Variants in IL1RAPL1 observed in about 807,000 individuals in gnomAD.
IL1RAPL1 encodes interleukin 1 receptor accessory protein like 1, also known as interleukin-1 receptor accessory protein-like 1.
In IL1RAPL1, 3 loss-of-function variants were observed where a neutral mutation model predicts 48.4. The ratio of observed to expected loss-of-function variants is 0.06; its 90% CI spans 0.03 to 0.16. IL1RAPL1 has a LOEUF of 0.16. Ranked by LOEUF, IL1RAPL1 falls within the 10% of genes least tolerant of loss-of-function variation. The pLI is 1.00. For synonymous variants in IL1RAPL1, 185 were observed against 187.7 expected (o/e 0.99, Z 0.12); for missense variants, 349 against 530.6 (o/e 0.66, Z 3.36).
chrX:29,592,162 GA>G (rs1923397567), intron 5 of IL1RAPL1, among the ~76,000 whole-genome samples: 4 of 111,638 alleles, frequency 3.6e-5, no homozygotes, highest in Non-Finnish European at 7.5e-5. Flanking sequence ...CATCACGTGG[GA>G]CAGAATTTAC....
At position 29,157,484 on chromosome X, in the gene IL1RAPL1, C is replaced by A. The variant is rs541096039; in HGVS notation, c.83-125454C>A. On this transcript the variant is annotated intron_variant, in intron 2 of 10. Coordinates refer to ENST00000378993, the MANE Select transcript of IL1RAPL1 (RefSeq NM_014271.4). ...TGTCCTCAATACAATTTCTCCTGAT[C>A]AGTTGTGTGTAACTAGGATGTGTAA... Among the ~76,000 whole-genome samples, 74 of 111,854 alleles carry A rather than the reference C, an allele frequency of 6.6e-4. No homozygotes were observed. The Middle Eastern group carries it at 0.014, about 21-fold the overall frequency.
chrX:29,945,862 C>T (rs1203920542), intron 9 of IL1RAPL1, among the ~76,000 whole-genome samples: 2 of 111,530 alleles, frequency 1.8e-5, no homozygotes, highest in African/African-American at 6.5e-5. Flanking sequence ...GCTTTTCTCT[C>T]TCAGTTCGTT....
At chrX:29,529,444 A>AT (rs1322470326) in intron 5 of IL1RAPL1, among the ~76,000 whole-genome samples, 21 of 108,870 alleles carry the variant, frequency 1.9e-4, no homozygotes, top group African/African-American at 6.4e-4. Flanking sequence ...AAATACAAAA[A>AT]TTAGCCGGGT....
intron 9 of IL1RAPL1, among the ~76,000 whole-genome samples, chrX:29,945,540 G>A (rs1406314479): frequency 8.9e-6 from 1 of 112,353 alleles, no homozygotes; most frequent in Non-Finnish European, 1.9e-5. Flanking sequence ...TCCTACTATA[G>A]CAATATGATA....
At chrX:29,812,601 A>C (rs192469936) in intron 6 of IL1RAPL1, among the ~76,000 whole-genome samples, 11 of 111,620 alleles carry the variant, frequency 9.9e-5, no homozygotes, top group African/African-American at 3.6e-4. Flanking sequence ...AGATGAATTC[A>C]TTAGAGATGA....
chrX:29,777,654 C>T (rs1470767231), intron 6 of IL1RAPL1, among the ~76,000 whole-genome samples: 1 of 110,857 alleles, frequency 9.0e-6, no homozygotes, highest in Non-Finnish European at 1.9e-5. Context: ...CCTCTTTCCC[C>T]CCACTCAAAG....
At chrX:28,689,666 A>G (rs979456016) in intron 1 of IL1RAPL1, among the ~76,000 whole-genome samples, 1 of 112,339 alleles carries the variant, frequency 8.9e-6, no homozygotes, top group African/African-American at 3.2e-5. Context: ...CAAAAATAAA[A>G]CATTTTATTT....
At chrX:29,388,106 CAAAA>C (rs71862742) in intron 3 of IL1RAPL1, among the ~76,000 whole-genome samples, 114 of 51,727 alleles carry the variant, frequency 2.2e-3, no homozygotes, top group Non-Finnish European at 2.7e-3. Flanking sequence ...AAGGTTAAGC[CAAAA>C]AAAAAAAAAA....
intron 6 of IL1RAPL1, among the ~76,000 whole-genome samples, chrX:29,800,621 C>T (rs949495344): frequency 3.7e-5 from 4 of 109,130 alleles, no homozygotes; most frequent in African/African-American, 6.7e-5. Context: ...AATATTTATG[C>T]ATAAATTTCA....
intron 5 of IL1RAPL1, among the ~76,000 whole-genome samples, chrX:29,410,967 C>T (rs915400490): frequency 3.6e-5 from 4 of 111,551 alleles, no homozygotes; most frequent in African/African-American, 1.3e-4. Flanking sequence ...GGTTGGTAGA[C>T]TCTTGGTCAA....
In IL1RAPL1 at chrX:29,171,719, C is replaced by T. The variant is rs992931436; in HGVS notation, c.83-111219C>T. Among the ~76,000 whole-genome samples the T allele has an allele frequency of 2.7e-5, 3 of 111,088 alleles. No individual in the cohort carries two copies. In the East Asian group the frequency reaches 8.4e-4, roughly 31 times the overall value. ...AGTGTTCAATCAGTAATTTATTAGG[C>T]ATGCAAAATTAAGGCTGTAGACATA... On this transcript the variant is annotated intron_variant, in intron 2 of 10. Transcript: ENST00000378993.
intron 6 of IL1RAPL1, among the ~76,000 whole-genome samples, chrX:29,776,055 A>T (rs916283888): frequency 9.0e-6 from 1 of 111,444 alleles, no homozygotes; most frequent in Non-Finnish European, 1.9e-5. Context: ...TGAGCCACGT[A>T]TTGCTGAACT....
At chrX:29,947,752 GTTTT>G (rs367605832) in intron 9 of IL1RAPL1, among the ~76,000 whole-genome samples, 2 of 54,185 alleles carry the variant, frequency 3.7e-5, no homozygotes, top group Non-Finnish European at 7.2e-5. Context: ...TTTTTTTGGT[GTTTT>G]TTTTTTTTTT....
chrX:29,566,128 A>G (rs979839057), intron 5 of IL1RAPL1, among the ~76,000 whole-genome samples: 7 of 111,150 alleles, frequency 6.3e-5, no homozygotes, highest in Non-Finnish European at 1.1e-4. Flanking sequence ...TTTTGTAGAG[A>G]CGGGGTTTCA....
At chrX:29,517,774 C>G (rs936935082) in intron 5 of IL1RAPL1, among the ~76,000 whole-genome samples, 1 of 111,341 alleles carries the variant, frequency 9.0e-6, no homozygotes, top group Non-Finnish European at 1.9e-5. Context: ...TGTGTTTGTC[C>G]CTTTCAAAAA....
intron 3 of IL1RAPL1, among the ~76,000 whole-genome samples, chrX:29,287,546 GTA>G (rs1932302754): frequency 8.9e-6 from 1 of 112,305 alleles, no homozygotes; most frequent in African/African-American, 3.2e-5. Context: ...CACCAGCAAT[GTA>G]TGATTTCTCC....
intron 2 of IL1RAPL1, among the ~76,000 whole-genome samples, chrX:29,147,932 T>C (rs994838087): frequency 1.8e-5 from 2 of 111,891 alleles, no homozygotes; most frequent in African/African-American, 6.5e-5. Context: ...AGATTAAAAA[T>C]GTAAGATATC....
chrX:28,693,288 A>G (rs1935198316), intron 1 of IL1RAPL1, among the ~76,000 whole-genome samples: 2 of 112,269 alleles, frequency 1.8e-5, no homozygotes, highest in African/African-American at 3.2e-5. Flanking sequence ...TATCCAGCAC[A>G]TGCCTGATAG....
chrX:29,780,346 A>G (rs1929309961), intron 6 of IL1RAPL1, among the ~76,000 whole-genome samples: 1 of 112,334 alleles, frequency 8.9e-6, no homozygotes, highest in Non-Finnish European at 1.9e-5. Flanking sequence ...CATATTTGAA[A>G]CATTTTGTTG....
Sources: gnomAD v4.1 joint callset for allele counts (sites outside exome capture counted in the v4.1 genomes callset) on GRCh38, gnomAD v4.1.1 for gene constraint, MANE v1.5 for transcripts, NCBI Gene and HGNC (gene_info 2026-07-23, HGNC 2026-07-21) for gene names.